The following GRID2 variants were observed in gnomAD, a reference collection of about 807,000 sequenced individuals.
GRID2 encodes the protein glutamate ionotropic receptor delta type subunit 2, also known as glutamate receptor ionotropic, delta-2.
A neutral mutation model predicts 114.8 loss-of-function variants in GRID2; 33 were observed. The ratio of observed to expected loss-of-function variants is 0.29; its 90% CI spans 0.22 to 0.38. The LOEUF (loss-of-function observed/expected upper bound fraction) is 0.38, where lower values mean the gene tolerates loss of function less well. GRID2 is among the 10% of genes least tolerant of loss of function. GRID2 has a pLI of 1.00. For missense variants in GRID2, 1,184 were observed against 1,257.7 expected (o/e 0.94, Z 0.89); for synonymous variants, 505 against 449.9 (o/e 1.12, Z -1.55).
At position 93,679,770 on chromosome 4, in the gene GRID2, T is replaced by C. The variant is rs1725317087; in HGVS notation, c.2360+53335T>C. Among the ~76,000 whole-genome samples the C allele has an allele frequency of 1.3e-5, 2 of 150,206 alleles. 1 individual carries two copies. Among genetic ancestry groups the C allele is most frequent in the South Asian group, 4.2e-4 (2 of 4,706 alleles). On this transcript the variant is annotated intron_variant, in intron 14 of 15. Transcript: ENST00000282020. ...ACATACCAGAATCTCTGGGACACAT[T>C]TAAAGCAGTGTGTAGAGGGAAATTT...
chr4:92,992,267 AG>A (rs1332079103), intron 2 of GRID2, among the ~76,000 whole-genome samples: 1 of 152,108 alleles, frequency 6.6e-6, no homozygotes, highest in African/African-American at 2.4e-5. Context: ...TTTAGGTCAG[AG>A]GGGGGCATTA....
At chr4:93,274,215 C>G (rs1751810306) in intron 8 of GRID2, among the ~76,000 whole-genome samples, 1 of 151,980 alleles carries the variant, frequency 6.6e-6, no homozygotes, top group Admixed American at 6.6e-5. Context: ...CCAATAAAAT[C>G]AAGATTTAAA....
chr4:92,449,306 G>T (rs1720764601), intron 1 of GRID2, among the ~76,000 whole-genome samples: 1 of 152,078 alleles, frequency 6.6e-6, no homozygotes, highest in South Asian at 2.1e-4. Flanking sequence ...CTGCCAGCAA[G>T]ATAGGGAAAC....
intron 2 of GRID2, among the ~76,000 whole-genome samples, chr4:92,880,967 A>G (rs1197037404): frequency 6.6e-6 from 1 of 152,084 alleles, no homozygotes; most frequent in Admixed American, 6.6e-5. Flanking sequence ...CAGTGGCACT[A>G]TCTCGGCTCA....
intron 1 of GRID2, among the ~76,000 whole-genome samples, chr4:92,436,448 T>G (rs1327103673): frequency 6.6e-6 from 1 of 152,140 alleles, no homozygotes; most frequent in Non-Finnish European, 1.5e-5. Context: ...CAGTACACAT[T>G]TCTGGGCATC....
At chr4:93,284,127 T>C (rs892466260) in intron 8 of GRID2, among the ~76,000 whole-genome samples, 4 of 152,138 alleles carry the variant, frequency 2.6e-5, no homozygotes, top group Non-Finnish European at 5.9e-5. Context: ...TGTCTCCTTT[T>C]ATTAATGTTT....
intron 2 of GRID2, among the ~76,000 whole-genome samples, chr4:92,805,063 T>C (rs929010046): frequency 6.6e-6 from 1 of 152,036 alleles, no homozygotes; most frequent in African/African-American, 2.4e-5. Context: ...TAATTTATGC[T>C]CAAAACAAGT....
intron 14 of GRID2, among the ~76,000 whole-genome samples, chr4:93,757,201 G>C (rs983527772): frequency 6.6e-6 from 1 of 152,102 alleles, no homozygotes; most frequent in Non-Finnish European, 1.5e-5. Flanking sequence ...CTGCCCTCAA[G>C]GAGGCTAACA....
intron 2 of GRID2, among the ~76,000 whole-genome samples, chr4:92,865,075 G>C (rs1174919527): frequency 1.3e-5 from 2 of 152,136 alleles, no homozygotes; most frequent in African/African-American, 2.4e-5. Context: ...TATAAAATCT[G>C]TAGGAGATTG....
At chr4:92,520,922 T>C (rs1724738233) in intron 1 of GRID2, among the ~76,000 whole-genome samples, 1 of 151,904 alleles carries the variant, frequency 6.6e-6, no homozygotes, top group African/African-American at 2.4e-5. Context: ...TGTGGATCAC[T>C]AGAGGAAATA....
rs115641184 is a variant in GRID2, at chr4:92,726,088, G to C, written c.244+135802G>C. ...CTTGAATCATAGATGAGAGAGAAAA[G>C]AGATCTACTCATCTTGTATTTTACT... On this transcript the variant is annotated intron_variant, in intron 2 of 15. Coordinates refer to ENST00000282020, the MANE Select transcript of GRID2 (RefSeq NM_001510.4). Among the ~76,000 whole-genome samples the C allele has an allele frequency of 5.5e-3, 830 of 152,226 alleles. 3 individuals are homozygous for C. The highest frequency in any genetic ancestry group is 0.019 in the African/African-American group (794 of 41,558).
At chr4:92,816,411 T>G (rs1173628729) in intron 2 of GRID2, among the ~76,000 whole-genome samples, 2 of 152,054 alleles carry the variant, frequency 1.3e-5, no homozygotes, top group Non-Finnish European at 1.5e-5. Flanking sequence ...GTCTTCAAAT[T>G]TATTCACATT....
At chr4:93,515,601 G>A (rs1330471982) in intron 13 of GRID2, among the ~76,000 whole-genome samples, 190 bp downstream of exon 13, 2 of 152,098 alleles carry the variant, frequency 1.3e-5, no homozygotes, top group Non-Finnish European at 2.9e-5. Context: ...GTCCTCTGTA[G>A]TGTGTCTAAC....
At chr4:93,086,402 C>A (rs533468501) in intron 3 of GRID2, among the ~76,000 whole-genome samples, 1 of 152,268 alleles carries the variant, frequency 6.6e-6, no homozygotes, top group Non-Finnish European at 1.5e-5. Context: ...AAAGTGCCAT[C>A]AATAGAATTG....
Position 93,274,751 on chromosome 4 carries a change from T to C in GRID2, c.1245+36261T>C, listed in dbSNP as rs577318286. ...TGCATAAAGGCTGGCTCCTGCTGCATGGTTAGAATCTTGAGATATAATTTA... is the reference window on the plus strand; with the variant it reads ...TGCATAAAGGCTGGCTCCTGCTGCACGGTTAGAATCTTGAGATATAATTTA... On this transcript the variant is annotated intron_variant, in intron 8 of 15. Coordinates refer to ENST00000282020, the MANE Select transcript of GRID2 (RefSeq NM_001510.4). Among the ~76,000 whole-genome samples, 6 of 152,188 alleles carry C rather than the reference T, an allele frequency of 3.9e-5. No individual in the cohort carries two copies. The East Asian group carries it at 9.6e-4, about 24-fold the overall frequency.
chr4:93,315,970 C>A (rs1329057937), intron 8 of GRID2, among the ~76,000 whole-genome samples: 2 of 152,058 alleles, frequency 1.3e-5, no homozygotes, highest in South Asian at 4.1e-4. Flanking sequence ...TTAAAGAGAG[C>A]AAGGATCTGA....
At chr4:93,677,973 C>T (rs954648687) in intron 14 of GRID2, among the ~76,000 whole-genome samples, 4 of 151,444 alleles carry the variant, frequency 2.6e-5, no homozygotes, top group African/African-American at 9.7e-5. Context: ...GACGATCAAA[C>T]TACTCCGAGC....
chr4:93,280,544 A>G (rs1752543150), intron 8 of GRID2, among the ~76,000 whole-genome samples: 1 of 151,546 alleles, frequency 6.6e-6, no homozygotes, highest in African/African-American at 2.4e-5. Context: ...TCTCTTTTTT[A>G]TTTTCTGTAC....
At chr4:93,017,704 G>T (rs906093718) in intron 2 of GRID2, among the ~76,000 whole-genome samples, 1 of 151,124 alleles carries the variant, frequency 6.6e-6, no homozygotes, top group Non-Finnish European at 1.5e-5. Flanking sequence ...TATTCAGGAG[G>T]CTGAGGCTTG....
Sources: allele counts gnomAD v4.1 joint callset (sites outside exome capture counted in the v4.1 genomes callset), GRCh38; gene constraint gnomAD v4.1.1; transcripts MANE v1.5; gene names NCBI Gene and HGNC (gene_info 2026-07-23, HGNC 2026-07-21).